GATAD1: variants seen among roughly 807,000 people sequenced by gnomAD.
GATAD1 encodes the protein GATA zinc finger domain-containing protein 1.
In GATAD1, 12 loss-of-function variants were observed where a neutral mutation model predicts 26.5. The observed-to-expected ratio is 0.45, with a 90% confidence interval of 0.29 to 0.73. The LOEUF (loss-of-function observed/expected upper bound fraction) is 0.73, where lower values mean the gene tolerates loss of function less well. GATAD1 is among the 30% of genes least tolerant of loss of function. The probability of loss-of-function intolerance (pLI) is 0.10; values close to 1 mark genes in which losing one functional copy is unlikely to be tolerated. For missense variants in GATAD1, 266 were observed against 342.1 expected, an observed-to-expected ratio of 0.78 and a Z score of 1.75; for synonymous variants, 129 against 133.1, an observed-to-expected ratio of 0.97 and a Z score of 0.21.
At chr7:92,491,153 T>C in the GATAD1 span, 2 of 713,384 alleles carry the variant, frequency 2.8e-6, no homozygotes, top group South Asian at 1.6e-5. Flanking sequence ...ACTATTTTAC[T>C]GAAGAACCAA....
intron 3 of GATAD1, among the ~76,000 whole-genome samples, chr7:92,452,228 G>A (rs1341226118): frequency 1.3e-5 from 2 of 152,212 alleles, no homozygotes; most frequent in East Asian, 1.9e-4. Context: ...GGGTGTGTGG[G>A]ACCTGTTATT....
At chr7:92,471,133 C>G in the GATAD1 span, 1 of 166,440 alleles carries the variant, frequency 6.0e-6, no homozygotes, top group Non-Finnish European at 1.5e-5. Context: ...ACCTCTTGGG[C>G]CTTTTCTGTC....
the GATAD1 span, chr7:92,491,471 C>A: frequency 2.5e-6 from 4 of 1,612,662 alleles, no homozygotes; most frequent in Non-Finnish European, 3.4e-6. Flanking sequence ...TGAAGACAGA[C>A]TTAGGTCACT....
chr7:92,492,988 C>T, the GATAD1 span: 2 of 1,613,810 alleles, frequency 1.2e-6, no homozygotes, highest in Non-Finnish European at 1.7e-6. Context: ...CCATGTAAGG[C>T]CTCCAATTGG....
At chr7:92,485,018 G>A in the GATAD1 span, among the ~76,000 whole-genome samples, 1 of 145,152 alleles carries the variant, frequency 6.9e-6, no homozygotes, top group Non-Finnish European at 1.5e-5. Flanking sequence ...ATCAAAGGGG[G>A]TTTTCTCTTA....
the GATAD1 span, chr7:92,469,817 A>G: frequency 1.3e-6 from 1 of 769,202 alleles, no homozygotes; most frequent in Non-Finnish European, 2.4e-6. Context: ...AGGGGGAGGC[A>G]TATCCAACAG....
chr7:92,448,090 C>T, intron 1 of GATAD1, 112 bp downstream of exon 1: 1 of 741,730 alleles, frequency 1.3e-6, no homozygotes, highest in Non-Finnish European at 1.8e-6. Context: ...CGTGCTCCTG[C>T]TGGCTGGAAC....
the GATAD1 span, among the ~76,000 whole-genome samples, chr7:92,480,145 C>T: frequency 6.6e-6 from 1 of 152,152 alleles, no homozygotes; most frequent in Admixed American, 6.5e-5. Flanking sequence ...GCCTGAAAAA[C>T]TGCTCAGGTG....
chr7:92,491,404 A>G, the GATAD1 span: 1 of 1,613,494 alleles, frequency 6.2e-7, no homozygotes, highest in South Asian at 1.1e-5. Context: ...GATCTAAGCC[A>G]CATTCTCCAT....
chr7:92,491,561 A>G, the GATAD1 span: 1 of 984,668 alleles, frequency 1.0e-6, no homozygotes, highest in African/African-American at 1.6e-5. Flanking sequence ...TCTCAGAAAT[A>G]AATAATAACA....
chr7:92,492,245 G>A, the GATAD1 span, among the ~76,000 whole-genome samples: 3 of 152,086 alleles, frequency 2.0e-5, no homozygotes, highest in African/African-American at 4.8e-5. Context: ...TTACTCAAGC[G>A]ATCCTCCTGC....
At chr7:92,481,431 T>A in the GATAD1 span, among the ~76,000 whole-genome samples, 1 of 151,422 alleles carries the variant, frequency 6.6e-6, no homozygotes, top group Non-Finnish European at 1.5e-5. Context: ...CTGTAGAGAG[T>A]GAGTTGAGCA....
At chr7:92,468,270 A>G in the GATAD1 span, 217 of 168,050 alleles carry the variant, frequency 1.3e-3, no homozygotes, top group African/African-American at 4.8e-3. Flanking sequence ...GACACCCTGC[A>G]TGATCCAGAG....
At chr7:92,478,967 A>G in the GATAD1 span, among the ~76,000 whole-genome samples, 1 of 152,152 alleles carries the variant, frequency 6.6e-6, no homozygotes, top group East Asian at 1.9e-4. Flanking sequence ...TTTGCGGGGT[A>G]CATGAATGAT....
At position 92,447,518 on chromosome 7, in the gene GATAD1, G is replaced by C. The variant is rs1191567057; in HGVS notation, c.-212G>C. On this transcript the variant is annotated 5_prime_UTR_variant, in exon 1 of 5. Transcript: ENST00000287957. ...CTGCTTCCCAGTGCCTCGGGCCAGG[G>C]AATCCTGGCCTCCGCCTGCGGAGCC... The C allele has an allele frequency of 2.2e-6, 1 of 448,550 alleles. No individual in the cohort carries two copies. The highest frequency in any genetic ancestry group is 3.6e-6 in the Non-Finnish European group (1 of 277,032). 27.8% of individuals were successfully genotyped at this position (448,550 alleles called of 1,614,324 possible).
the GATAD1 span, among the ~76,000 whole-genome samples, chr7:92,486,205 G>A: frequency 6.6e-6 from 1 of 152,208 alleles, no homozygotes; most frequent in East Asian, 1.9e-4. Flanking sequence ...ACACCCAGGA[G>A]AGAACAGCCC....
chr7:92,494,971 A>G, the GATAD1 span, among the ~76,000 whole-genome samples: 1 of 151,872 alleles, frequency 6.6e-6, no homozygotes, highest in Non-Finnish European at 1.5e-5. Flanking sequence ...CAAAACAAAA[A>G]CTGACTCTTA....
At chr7:92,471,043 G>T in the GATAD1 span, 8 of 167,082 alleles carry the variant, frequency 4.8e-5, no homozygotes, top group African/African-American at 1.9e-4. Flanking sequence ...ACTGTGGCCT[G>T]GAAAGCAGGG....
downstream of GATAD1, among the ~76,000 whole-genome samples, chr7:92,463,729 G>A (rs1329806617): frequency 6.6e-6 from 1 of 151,784 alleles, no homozygotes; most frequent in Non-Finnish European, 1.5e-5. Flanking sequence ...AGCACTTTGG[G>A]AGGCCAAGGC....
Sources: allele counts gnomAD v4.1 joint callset (sites outside exome capture counted in the v4.1 genomes callset), GRCh38; gene constraint gnomAD v4.1.1; transcripts MANE v1.5; gene names NCBI Gene and HGNC (gene_info 2026-07-23, HGNC 2026-07-21).